The following SLC37A1 variants were observed in gnomAD, a reference collection of about 807,000 sequenced individuals.
SLC37A1 encodes glucose-6-phosphate exchanger SLC37A1.
A neutral mutation model predicts 75.3 loss-of-function variants in SLC37A1; 49 were observed. That is an observed-to-expected ratio of 0.65 (90% confidence interval 0.52 to 0.83). The LOEUF is 0.83. Ranked by LOEUF, SLC37A1 falls within the 40% of genes least tolerant of loss-of-function variation. SLC37A1 has a pLI of 0.00. For missense variants in SLC37A1, 566 were observed against 695.0 expected (o/e 0.81, Z 2.09); for synonymous variants, 268 against 292.1 (o/e 0.92, Z 0.84).
At chr21:42,559,207 G>T in intron 11 of SLC37A1, 118 bp downstream of exon 11, 1 of 1,318,870 alleles carries the variant, frequency 7.6e-7, no homozygotes, top group Non-Finnish European at 1.0e-6. Context: ...CCGGGGATTC[G>T]AATCCATAGC....
chr21:42,501,289 C>G (rs1476331868), intron 1 of SLC37A1, among the ~76,000 whole-genome samples: 1 of 152,204 alleles, frequency 6.6e-6, no homozygotes, highest in Non-Finnish European at 1.5e-5. Context: ...CGAGGGCTCT[C>G]TCAGGATATC....
At chr21:42,529,263 AATC>A (rs1420616907) in intron 3 of SLC37A1, among the ~76,000 whole-genome samples, 3 of 152,172 alleles carry the variant, frequency 2.0e-5, no homozygotes, top group Non-Finnish European at 4.4e-5. Flanking sequence ...ATAAATGTTG[AATC>A]CCTATTTTAT....
chr21:42,562,004 T>C lies in SLC37A1; in HGVS notation c.982-74T>C, dbSNP rs879199700. ...GTCTTTATGGGAGCGAAGTCATATT[T>C]AACTCTGTTGCATGTTTACACACAC... On this transcript the variant is annotated intron_variant, in intron 11 of 19. Coordinates refer to ENST00000352133, the MANE Select transcript of SLC37A1 (RefSeq NM_001320537.2). The C allele has an allele frequency of 3.8e-5, 47 of 1,234,602 alleles. No individual in the cohort carries two copies. In the South Asian group the frequency reaches 5.7e-4, roughly 15 times the overall value. 76.5% of individuals were successfully genotyped at this position (1,234,602 alleles called of 1,614,324 possible).
At chr21:42,503,950 G>T (rs951199049) in intron 2 of SLC37A1, among the ~76,000 whole-genome samples, 6 of 152,156 alleles carry the variant, frequency 3.9e-5, no homozygotes, top group Admixed American at 2.6e-4. Flanking sequence ...AACCACATCC[G>T]GGTGGTACTA....
chr21:42,524,944 AC>A (rs1472912877), intron 2 of SLC37A1, among the ~76,000 whole-genome samples: 2 of 152,066 alleles, frequency 1.3e-5, no homozygotes, highest in Non-Finnish European at 2.9e-5. Flanking sequence ...TTGGGACTCC[AC>A]CCGTGGACCT....
intron 13 of SLC37A1, among the ~76,000 whole-genome samples, chr21:42,564,346 G>C (rs889616477): frequency 1.3e-5 from 2 of 151,988 alleles, no homozygotes; most frequent in African/African-American, 4.8e-5. Flanking sequence ...CCATGATCAT[G>C]CCATTGTGCT....
chr21:42,522,053 A>G (rs1357442473), intron 2 of SLC37A1, among the ~76,000 whole-genome samples: 1 of 152,148 alleles, frequency 6.6e-6, no homozygotes, highest in Non-Finnish European at 1.5e-5. Context: ...GCATCACACC[A>G]GTCTCTGCCT....
chr21:42,570,053 C>G (rs927453822), intron 17 of SLC37A1, among the ~76,000 whole-genome samples: 4 of 143,726 alleles, frequency 2.8e-5, no homozygotes, highest in Non-Finnish European at 6.1e-5. Flanking sequence ...TGAGAAGCGG[C>G]GGGCAGGGTG....
intron 17 of SLC37A1, among the ~76,000 whole-genome samples, chr21:42,572,361 C>T (rs1368103460): frequency 6.6e-6 from 1 of 152,052 alleles, no homozygotes; most frequent in African/African-American, 2.4e-5. Context: ...GGCCCCTGTT[C>T]GTTTGATAAG....
intron 3 of SLC37A1, among the ~76,000 whole-genome samples, chr21:42,530,427 C>T (rs962744600): frequency 2.0e-5 from 3 of 152,018 alleles, no homozygotes; most frequent in African/African-American, 4.8e-5. Context: ...GCTGGTCGCT[C>T]CTACTTTTGG....
In SLC37A1 at chr21:42,518,527, CA is replaced by C; in HGVS notation, c.56+18del. The C allele has an allele frequency of 6.2e-7, 1 of 1,614,022 alleles. No homozygotes were observed. Among genetic ancestry groups the C allele is most frequent in the Non-Finnish European group, 8.5e-7 (1 of 1,179,926 alleles). ...GGATCAGTGGTGAGTCCTGGTGGGG[CA>C]GGCCCTTGGCATGGAGCTGTGTATA... On this transcript the variant is annotated intron_variant, in intron 2 of 19. Coordinates refer to ENST00000352133, the MANE Select transcript of SLC37A1 (RefSeq NM_001320537.2).
At chr21:42,536,863 C>T (rs1315385684) in intron 5 of SLC37A1, among the ~76,000 whole-genome samples, 1 of 152,218 alleles carries the variant, frequency 6.6e-6, no homozygotes, top group African/African-American at 2.4e-5. Context: ...CTTCAAAGCT[C>T]CCTGTACCTC....
At chr21:42,536,129 G>A (rs1245991744) in intron 5 of SLC37A1, among the ~76,000 whole-genome samples, 7 of 152,346 alleles carry the variant, frequency 4.6e-5, no homozygotes, top group African/African-American at 1.4e-4. Flanking sequence ...GAGTACAGCA[G>A]AGGCAGCTCT....
intron 15 of SLC37A1, 133 bp downstream of exon 15, chr21:42,566,008 C>CA (rs1331721146): frequency 2.8e-6 from 2 of 705,314 alleles, no homozygotes; most frequent in Non-Finnish European, 4.2e-6. Flanking sequence ...CTAAAATTGT[C>CA]CGTGTCCTCC....
At chr21:42,525,240 C>G (rs1045355901) in intron 2 of SLC37A1, among the ~76,000 whole-genome samples, 1 of 152,236 alleles carries the variant, frequency 6.6e-6, no homozygotes, top group Non-Finnish European at 1.5e-5. Flanking sequence ...CTGAGTTCTA[C>G]GAGCTGCTCT....
intron 17 of SLC37A1, among the ~76,000 whole-genome samples, chr21:42,570,963 C>T (rs76586436): frequency 0.012 from 1,832 of 152,280 alleles, 26 homozygotes; most frequent in African/African-American, 0.042. Flanking sequence ...GCGGAGCTGC[C>T]GCGCCCACCT....
intron 18 of SLC37A1, chr21:42,575,579 T>C (rs755331747): frequency 4.1e-6 from 4 of 985,098 alleles, no homozygotes; most frequent in Non-Finnish European, 4.8e-6. Flanking sequence ...GTCACATAGA[T>C]GTGCAGCTGT....
chr21:42,559,230 C>A, intron 11 of SLC37A1, 141 bp downstream of exon 11: 1 of 1,018,160 alleles, frequency 9.8e-7, no homozygotes, highest in Non-Finnish European at 1.4e-6. Flanking sequence ...AAGCTAGACG[C>A]TGCACAGTGC....
intron 10 of SLC37A1, among the ~76,000 whole-genome samples, chr21:42,554,982 G>GTTTTTT (rs57783969): frequency 8.6e-6 from 1 of 116,598 alleles, no homozygotes; most frequent in East Asian, 2.7e-4. Flanking sequence ...TTGGTTGGTT[G>GTTTTTT]TTTTTTTTTT....
Sources: gnomAD v4.1 joint callset for allele counts (sites outside exome capture counted in the v4.1 genomes callset) on GRCh38, gnomAD v4.1.1 for gene constraint, MANE v1.5 for transcripts, NCBI Gene and HGNC (gene_info 2026-07-23, HGNC 2026-07-21) for gene names.